ZC3H12C: variants seen among roughly 807,000 people sequenced by gnomAD.
ZC3H12C encodes the protein zinc finger CCCH-type containing 12C.
In ZC3H12C, 20 loss-of-function variants were observed where a neutral mutation model predicts 76.3. The observed-to-expected ratio is 0.26, with a 90% CI of 0.18 to 0.38. The LOEUF is 0.38. Among genes scored for constraint, ZC3H12C ranks in the 10% least tolerant of loss-of-function variants. The pLI is 1.00. For synonymous variants in ZC3H12C, 352 were observed against 399.6 expected, an observed-to-expected ratio of 0.88 and a Z score of 1.42; for missense variants, 874 against 1,086.5, an observed-to-expected ratio of 0.80 and a Z score of 2.75.
chr11:110,150,399 C>G (rs936212708), intron 2 of ZC3H12C, among the ~76,000 whole-genome samples: 1 of 151,898 alleles, frequency 6.6e-6, no homozygotes, highest in African/African-American at 2.4e-5. Context: ...TTTTAAAGAT[C>G]TGTATGGCTT....
chr11:110,154,994 A>T (rs1340379843), intron 3 of ZC3H12C, among the ~76,000 whole-genome samples: 3 of 152,152 alleles, frequency 2.0e-5, no homozygotes, highest in African/African-American at 7.2e-5. Context: ...CACCCAGCAA[A>T]TTAGCAGAGA....
chr11:110,100,719 C>T (rs1458070539), intron 1 of ZC3H12C, among the ~76,000 whole-genome samples: 1 of 152,106 alleles, frequency 6.6e-6, no homozygotes, highest in Non-Finnish European at 1.5e-5. Context: ...TGTGTGTGTT[C>T]TGAGTGCTCC....
chr11:110,160,412 TTC>T (rs138546413), intron 4 of ZC3H12C, among the ~76,000 whole-genome samples: 104,462 of 151,916 alleles, frequency 0.69, 36,716 homozygotes, highest in South Asian at 0.79. Flanking sequence ...TAAAACTTTT[TTC>T]TCTTTTGTAA....
intron 2 of ZC3H12C, among the ~76,000 whole-genome samples, chr11:110,147,714 G>T (rs911842618): frequency 6.6e-6 from 1 of 151,776 alleles, no homozygotes; most frequent in African/African-American, 2.4e-5. Context: ...TACTCCTTTT[G>T]CCTCCCCTTT....
At chr11:110,097,170 A>T (rs1861128405) in intron 1 of ZC3H12C, among the ~76,000 whole-genome samples, 1 of 152,196 alleles carries the variant, frequency 6.6e-6, no homozygotes, top group Non-Finnish European at 1.5e-5. Flanking sequence ...TCATCAGAGG[A>T]TTGTTTTACT....
At chr11:110,099,683 G>A (rs902590596) in intron 1 of ZC3H12C, among the ~76,000 whole-genome samples, 7 of 151,832 alleles carry the variant, frequency 4.6e-5, no homozygotes, top group African/African-American at 1.2e-4. Flanking sequence ...GTGGTGGCAT[G>A]TGCCTGTAAA....
intron 2 of ZC3H12C, among the ~76,000 whole-genome samples, chr11:110,145,777 C>T (rs1290120509): frequency 2.0e-5 from 3 of 152,106 alleles, no homozygotes; most frequent in Admixed American, 1.3e-4. Flanking sequence ...AGCTCAAGTG[C>T]CCTGTCTCCT....
At chr11:110,104,639 G>A (rs1861286110) in intron 1 of ZC3H12C, among the ~76,000 whole-genome samples, 1 of 152,216 alleles carries the variant, frequency 6.6e-6, no homozygotes, top group African/African-American at 2.4e-5. Context: ...AAATCAGGTA[G>A]ACCTGGATTT....
rs766475316 is a variant in ZC3H12C at position 110,165,491 on chromosome 11, G to T, written c.2406G>T (p.Pro802=). The change falls in exon 6 of 6, where the codon CCG becomes CCT. Residue 802 remains proline (P), a synonymous_variant. Transcript: ENST00000278590. ...TYSLPDNSTQ[P]CYEQFTFQSL... ...CCTTGCCCGATAACTCCACACAGCC[G>T]TGTTATGAGCAGTTCACCTTCCAGA... 5.0e-6 allele frequency: 8 copies of T among 1,613,880 alleles called. No homozygotes were observed. The Admixed American group carries it at 6.7e-5, about 13-fold the overall frequency.
At chr11:110,156,549 T>G (rs1862380149) in intron 3 of ZC3H12C, among the ~76,000 whole-genome samples, 1 of 152,242 alleles carries the variant, frequency 6.6e-6, no homozygotes, top group Non-Finnish European at 1.5e-5. Context: ...CCGAACTTAA[T>G]CTACAACTCA....
chr11:110,100,236 G>C (rs1030121892), intron 1 of ZC3H12C, among the ~76,000 whole-genome samples: 3 of 120,664 alleles, frequency 2.5e-5, no homozygotes, highest in Non-Finnish European at 5.2e-5. Context: ...TTTGATACAG[G>C]GTCTCTCTAT....
chr11:110,106,222 C>G lies in ZC3H12C; in HGVS notation c.21+12790C>G, dbSNP rs1349985200. 2.4e-4 allele frequency among the ~76,000 whole-genome samples: 4 copies of G among 16,902 alleles called. 2 individuals carry two copies. The highest frequency in any genetic ancestry group is 1.1e-3 in the African/African-American group (4 of 3,704). The allele number at this position is 16,902 out of a possible 152,430, so 11.1% of individuals were successfully genotyped here. A position where few individuals can be genotyped will look rare whatever the true frequency, so the allele number is the denominator to read the frequency against. On this transcript the variant is annotated intron_variant, in intron 1 of 5. Transcript: ENST00000278590. ...GGCGGAGCTTGCAGTGAGCCGAGAT[C>G]GCGCCACTGCACTCCAGCCTGGGCG...
At chr11:110,109,526 A>G (rs1861391172) in intron 1 of ZC3H12C, among the ~76,000 whole-genome samples, 1 of 152,162 alleles carries the variant, frequency 6.6e-6, no homozygotes, top group Non-Finnish European at 1.5e-5. Flanking sequence ...TCATTCCTTC[A>G]TCATTCATTA....
rs1180036364 is a variant in ZC3H12C at position 110,137,342 on chromosome 11, T to C, written c.701T>C (p.Met234Thr). 3 of 1,613,854 alleles carry C rather than the reference T, an allele frequency of 1.9e-6. No individual in the cohort carries two copies. Among genetic ancestry groups the C allele is most frequent in the Non-Finnish European group, 2.5e-6 (3 of 1,179,846 alleles). ...SLESQRSESP[M>T]QEIVTDDGEN... is the part of the protein sequence containing the mutation. Reference sequence around the variant, plus strand: ...GAATCTCAGAGGTCTGAATCTCCAATGCAAGAGATTGTAACAGATGATGGT... The same window carrying C: ...GAATCTCAGAGGTCTGAATCTCCAACGCAAGAGATTGTAACAGATGATGGT... Residue 234 changes from methionine (M) to threonine (T), a missense_variant, in exon 2 of 6, where the codon ATG (methionine) becomes ACG (threonine). Physicochemically the swap from Met to Thr is moderately conservative, Grantham distance 81 (BLOSUM62 -1). Transcript: ENST00000278590.
chr11:110,093,580 C>A, intron 1 of ZC3H12C, 148 bp downstream of exon 1: 1 of 525,688 alleles, frequency 1.9e-6, no homozygotes, highest in Non-Finnish European at 2.7e-6. Flanking sequence ...ATCTCCAGGC[C>A]CAGGCGGGTC....
intron 2 of ZC3H12C, among the ~76,000 whole-genome samples, chr11:110,147,925 T>C (rs1862199803): frequency 6.6e-6 from 1 of 152,170 alleles, no homozygotes; most frequent in Non-Finnish European, 1.5e-5. Context: ...ATTTTCCCCC[T>C]TCCAAAGGGA....
chr11:110,128,889 C>CAAAA (rs145436449), intron 1 of ZC3H12C, among the ~76,000 whole-genome samples: 249 of 91,236 alleles, frequency 2.7e-3, no homozygotes, highest in East Asian at 4.2e-3. Flanking sequence ...CCACCACTAA[C>CAAAA]AAAAAAAAAA....
chr11:110,120,984 C>CT (rs1317486647), intron 1 of ZC3H12C, among the ~76,000 whole-genome samples: 1 of 152,154 alleles, frequency 6.6e-6, no homozygotes, highest in Non-Finnish European at 1.5e-5. Flanking sequence ...AAGAAAGAAA[C>CT]TCTGAAGTCA....
chr11:110,104,920 C>G (rs1336547253), intron 1 of ZC3H12C, among the ~76,000 whole-genome samples: 1 of 152,166 alleles, frequency 6.6e-6, no homozygotes, highest in African/African-American at 2.4e-5. Flanking sequence ...TAATCAGATA[C>G]AAAATCAAGG....
Sources: gnomAD v4.1 joint callset for allele counts (sites outside exome capture counted in the v4.1 genomes callset) on GRCh38, gnomAD v4.1.1 for gene constraint, MANE v1.5 for transcripts, NCBI Gene and HGNC (gene_info 2026-07-23, HGNC 2026-07-21) for gene names.